Variants in ABCB1 observed in about 807,000 individuals in gnomAD.
ABCB1 encodes ATP binding cassette subfamily B member 1.
ABCB1 carries 69 observed loss-of-function variants against 142.0 expected under a neutral mutation model. That is an observed-to-expected ratio of 0.49 (90% confidence interval 0.40 to 0.59). ABCB1 has a LOEUF of 0.59. Ranked by LOEUF, ABCB1 falls within the 20% of genes least tolerant of loss-of-function variation. The pLI, the probability that ABCB1 is intolerant of heterozygous loss-of-function variation, is 0.00. For missense variants in ABCB1, 1,326 were observed against 1,554.7 expected (o/e 0.85, Z 2.47); for synonymous variants, 532 against 539.2 (o/e 0.99, Z 0.18).
At chr7:87,552,941 G>T (rs575528477) in intron 9 of ABCB1, among the ~76,000 whole-genome samples, 90 of 152,124 alleles carry the variant, frequency 5.9e-4, no homozygotes, top group African/African-American at 2.1e-3. Flanking sequence ...AAATAAAAGA[G>T]GATAACATTA....
chr7:87,511,753 G>T (rs1351630405), intron 25 of ABCB1, among the ~76,000 whole-genome samples: 2 of 152,210 alleles, frequency 1.3e-5, no homozygotes, highest in African/African-American at 2.4e-5. Context: ...ACAACTGAAA[G>T]ATATTTTGTG....
chr7:87,566,033 G>A (rs1451625388), intron 7 of ABCB1, 37 bp downstream of exon 7: 1 of 1,610,414 alleles, frequency 6.2e-7, no homozygotes, highest in African/African-American at 1.3e-5. Context: ...AAGGGAGAAG[G>A]TGCAGTTCAA....
chr7:87,688,249 A>G (rs771817884), intron 1 of ABCB1, among the ~76,000 whole-genome samples: 5 of 152,102 alleles, frequency 3.3e-5, no homozygotes, highest in African/African-American at 9.7e-5. Flanking sequence ...ATTTGATTCA[A>G]TGTTTTAAAT....
At chr7:87,574,440 C>A (rs1163419959) in intron 4 of ABCB1, among the ~76,000 whole-genome samples, 3 of 152,086 alleles carry the variant, frequency 2.0e-5, no homozygotes, top group Non-Finnish European at 4.4e-5. Flanking sequence ...TTATGTTATA[C>A]AAAATAAAAG....
At position 87,540,343 on chromosome 7, in the gene ABCB1, A is replaced by G. The variant is rs1584860921; in HGVS notation, c.2320-998T>C. Among the ~76,000 whole-genome samples, 7 of 152,372 alleles carry G rather than the reference A, an allele frequency of 4.6e-5. No homozygotes were observed. The South Asian group carries it at 1.4e-3, about 32-fold the overall frequency. ...CCGCTAAGGAAACAGAGGCTTAGAC[A>G]GTTTACTTATGTGCCCAAGGACACA... On this transcript the variant is annotated intron_variant, in intron 18 of 27. Transcript: ENST00000622132.
At chr7:87,680,015 A>T (rs1282284703) in intron 1 of ABCB1, among the ~76,000 whole-genome samples, 1 of 150,414 alleles carries the variant, frequency 6.6e-6, no homozygotes, top group Non-Finnish European at 1.5e-5. Flanking sequence ...TCCTAATGTT[A>T]TCCCTACCCT....
At chr7:87,549,021 A>T (rs911700338) in intron 14 of ABCB1, among the ~76,000 whole-genome samples, 9 of 152,244 alleles carry the variant, frequency 5.9e-5, no homozygotes, top group African/African-American at 2.2e-4. Flanking sequence ...TTATCCACAT[A>T]GTCAAGTTTT....
intron 21 of ABCB1, chr7:87,521,252 T>C: frequency 2.8e-6 from 1 of 354,006 alleles, no homozygotes; most frequent in Non-Finnish European, 5.2e-6. Context: ...CACTTATTTT[T>C]AAAATGTGAT....
At chr7:87,694,596 T>C (rs533167291) in intron 1 of ABCB1, among the ~76,000 whole-genome samples, 30 of 152,294 alleles carry the variant, frequency 2.0e-4, no homozygotes, top group Admixed American at 1.7e-3. Flanking sequence ...TTTTATCTGT[T>C]TTATGTTCTG....
At chr7:87,602,272 C>T (rs548103377), upstream of ABCB1, among the ~76,000 whole-genome samples, 59 of 143,234 alleles carry the variant, frequency 4.1e-4, no homozygotes, top group Non-Finnish European at 7.1e-4. Flanking sequence ...GGATTACAGG[C>T]GTGAGCTACA....
chr7:87,519,552 A>G, intron 22 of ABCB1, 86 bp from the exon 23 acceptor site: 1 of 1,544,362 alleles, frequency 6.5e-7, no homozygotes, highest in South Asian at 1.1e-5. Flanking sequence ...AGTAGGGCAC[A>G]GAGGCATGAC....
chr7:87,576,407 A>G (rs1267838801), intron 4 of ABCB1, among the ~76,000 whole-genome samples: 1 of 149,494 alleles, frequency 6.7e-6, no homozygotes, highest in Non-Finnish European at 1.5e-5. Context: ...CACACTATAT[A>G]TAAGTGTGTG....
chr7:87,557,470 C>A (rs1263599710), intron 8 of ABCB1, among the ~76,000 whole-genome samples: 1 of 152,172 alleles, frequency 6.6e-6, no homozygotes, highest in Non-Finnish European at 1.5e-5. Flanking sequence ...GATCTCCAAG[C>A]AAAATTAGTT....
chr7:87,506,282 C>T (rs902618606), intron 26 of ABCB1: 38 of 501,814 alleles, frequency 7.6e-5, no homozygotes, highest in African/African-American at 6.5e-4. Flanking sequence ...AACAGGTCAG[C>T]ATTTTAATGA....
chr7:87,585,696 A>C lies in ABCB1; in HGVS notation c.118-16T>G, dbSNP rs766172674. ...AATAGCGAAACTAAAAAGAGAGAAA[A>C]AAGAATAGCAGAGGAAAAATTAGTA... is the stretch of plus-strand genomic sequence containing the variant. On this transcript the variant is annotated splice_polypyrimidine_tract_variant and intron_variant, in intron 3 of 27. Transcript: ENST00000622132. The C allele has an allele frequency of 6.2e-6, 10 of 1,612,342 alleles. No individual in the cohort carries two copies. The highest frequency in any genetic ancestry group is 1.6e-4 in the Middle Eastern group (1 of 6,062).
chr7:87,597,337 T>C (rs1584912407), intron 2 of ABCB1, among the ~76,000 whole-genome samples: 1 of 152,222 alleles, frequency 6.6e-6, no homozygotes, highest in South Asian at 2.1e-4. Flanking sequence ...TTGCTAATAG[T>C]CATATTCCAA....
chr7:87,616,808 C>T (rs1820045801), intron 1 of ABCB1, among the ~76,000 whole-genome samples: 1 of 152,084 alleles, frequency 6.6e-6, no homozygotes, highest in African/African-American at 2.4e-5. Context: ...TATGCTCTTC[C>T]CTTGTGATAA....
chr7:87,658,024 C>A lies in ABCB1; in HGVS notation c.-331+55137G>T, dbSNP rs150638127. On this transcript the variant is annotated intron_variant, in intron 1 of 28. Coordinates refer to the ABCB1 transcript ENST00000265724. ...TTTCCATTGAAACCATTTGTCATAC[C>A]AAGAACCAGGAAGATCTCAGATTGC... Among the ~76,000 whole-genome samples the A allele has an allele frequency of 6.6e-5, 10 of 152,060 alleles. No homozygotes were observed. The East Asian group carries it at 1.9e-3, about 29-fold the overall frequency.
At chr7:87,689,233 A>G (rs1177788226) in intron 1 of ABCB1, among the ~76,000 whole-genome samples, 1 of 152,076 alleles carries the variant, frequency 6.6e-6, no homozygotes, top group Non-Finnish European at 1.5e-5. Flanking sequence ...TTAGTCTACA[A>G]TTAATCCAAT....
Sources: allele counts gnomAD v4.1 joint callset (sites outside exome capture counted in the v4.1 genomes callset), GRCh38; gene constraint gnomAD v4.1.1; transcripts MANE v1.5; gene names NCBI Gene and HGNC (gene_info 2026-07-23, HGNC 2026-07-21).